The following HMCN1 variants were observed in gnomAD, a reference collection of about 807,000 sequenced individuals.
The protein encoded by HMCN1 is hemicentin 1, also known as hemicentin-1.
A neutral mutation model predicts 625.9 loss-of-function variants in HMCN1; 321 were observed. The observed-to-expected ratio is 0.51, with a 90% CI of 0.47 to 0.56. The LOEUF (loss-of-function observed/expected upper bound fraction) is 0.56. HMCN1 is among the 20% of genes least tolerant of loss of function. The pLI, the probability that HMCN1 is intolerant of heterozygous loss-of-function variation, is 0.00. For missense variants in HMCN1, 6,588 were observed against 6,887.3 expected, an observed-to-expected ratio of 0.96 and a Z score of 1.54; for synonymous variants, 2,425 against 2,417.6, an observed-to-expected ratio of 1.00 and a Z score of -0.09.
At chr1:185,857,768 C>T (rs572750031) in intron 2 of HMCN1, among the ~76,000 whole-genome samples, 1 of 152,232 alleles carries the variant, frequency 6.6e-6, no homozygotes, top group African/African-American at 2.4e-5. Context: ...CCCATGTACT[C>T]ACTAGTCATT....
intron 5 of HMCN1, 25 bp downstream of exon 5, chr1:185,909,533 A>G (rs2102451141): frequency 6.3e-7 from 1 of 1,592,948 alleles, no homozygotes; most frequent in South Asian, 1.1e-5. Context: ...ACATCACATA[A>G]TAAAATACAA....
At chr1:185,949,729 T>C (rs1354925987) in intron 11 of HMCN1, among the ~76,000 whole-genome samples, 1 of 151,932 alleles carries the variant, frequency 6.6e-6, no homozygotes, top group Non-Finnish European at 1.5e-5. Flanking sequence ...GAAAGGCCTC[T>C]ACCTATCCAG....
intron 4 of HMCN1, among the ~76,000 whole-genome samples, chr1:185,892,019 C>A (rs969053966): frequency 2.6e-5 from 4 of 151,418 alleles, no homozygotes; most frequent in Non-Finnish European, 5.9e-5. Flanking sequence ...TCTTTTTATT[C>A]TTTTTTCTCT....
chr1:185,803,188 CAAA>C (rs1245942461), intron 1 of HMCN1, among the ~76,000 whole-genome samples: 15 of 33,838 alleles, frequency 4.4e-4, no homozygotes, highest in African/African-American at 7.0e-4. Context: ...TTAGCAGAAC[CAAA>C]AAAAAAAAAA....
chr1:185,895,479 A>G (rs552206979), intron 4 of HMCN1, among the ~76,000 whole-genome samples: 2 of 152,232 alleles, frequency 1.3e-5, no homozygotes, highest in South Asian at 4.1e-4. Context: ...TAATTGTTCT[A>G]AAATTAAAGG....
chr1:185,940,274 GATA>G (rs1668015703), intron 11 of HMCN1, among the ~76,000 whole-genome samples: 2 of 152,044 alleles, frequency 1.3e-5, no homozygotes, highest in Non-Finnish European at 2.9e-5. Context: ...AAAATAAGAT[GATA>G]CTCAGCATGC....
chr1:185,776,570 T>TA lies in HMCN1; in HGVS notation c.268+41532dup, dbSNP rs933113401. 7.3e-5 allele frequency among the ~76,000 whole-genome samples: 11 copies of TA among 151,508 alleles called. No individual in the cohort carries two copies. In the East Asian group the frequency reaches 7.7e-4, roughly 11 times the overall value. On this transcript the variant is annotated intron_variant, in intron 1 of 106. Coordinates refer to ENST00000271588, the MANE Select transcript of HMCN1 (RefSeq NM_031935.3). ...TTACATTCTTGTGACTTTCTTGTAA[T>TA]AAAAAAAAATTCCTAAGGATGAAGC...
At chr1:185,746,694 T>A (rs769371210) in intron 1 of HMCN1, among the ~76,000 whole-genome samples, 12 of 149,162 alleles carry the variant, frequency 8.0e-5, no homozygotes, top group Admixed American at 1.3e-4. Flanking sequence ...AACTTCTGCC[T>A]CCCAGGTTCT....
intron 103 of HMCN1, among the ~76,000 whole-genome samples, chr1:186,175,907 A>G (rs1030970713): frequency 2.0e-5 from 3 of 151,298 alleles, no homozygotes; most frequent in African/African-American, 7.3e-5. Context: ...AAAAGAAAAG[A>G]AAAGAAAGAA....
At chr1:185,828,609 T>C (rs1660665459) in intron 1 of HMCN1, among the ~76,000 whole-genome samples, 1 of 152,118 alleles carries the variant, frequency 6.6e-6, no homozygotes, top group Non-Finnish European at 1.5e-5. Context: ...GAAAACACAA[T>C]ACTTCTTTTC....
intron 46 of HMCN1, among the ~76,000 whole-genome samples, chr1:186,060,059 G>A (rs928882976): frequency 6.6e-6 from 1 of 151,854 alleles, no homozygotes; most frequent in African/African-American, 2.4e-5. Context: ...TACTTTTTAA[G>A]TAAACAAAAT....
chr1:186,120,848 T>C (rs942821610), intron 80 of HMCN1, among the ~76,000 whole-genome samples: 3 of 152,234 alleles, frequency 2.0e-5, no homozygotes, highest in Admixed American at 6.5e-5. Flanking sequence ...CCTTCTCTTA[T>C]GGTGTTTATA....
chr1:186,163,831 T>G (rs997345060), intron 97 of HMCN1, among the ~76,000 whole-genome samples: 1 of 152,184 alleles, frequency 6.6e-6, no homozygotes, highest in Non-Finnish European at 1.5e-5. Flanking sequence ...TCACTGAATT[T>G]TAATAGTCTT....
intron 57 of HMCN1, among the ~76,000 whole-genome samples, chr1:186,085,789 C>T (rs1659442982): frequency 6.6e-6 from 1 of 151,988 alleles, no homozygotes. Flanking sequence ...TTCCAAAGGC[C>T]GAAGTCTAAC....
chr1:185,910,306 T>C (rs1666340367), intron 5 of HMCN1, among the ~76,000 whole-genome samples: 1 of 152,062 alleles, frequency 6.6e-6, no homozygotes, highest in Non-Finnish European at 1.5e-5. Context: ...CACAAACACA[T>C]TGAAATTTAC....
At chr1:186,010,809 C>T (rs987381339) in intron 30 of HMCN1, among the ~76,000 whole-genome samples, 1 of 151,830 alleles carries the variant, frequency 6.6e-6, no homozygotes, top group Non-Finnish European at 1.5e-5. Flanking sequence ...GCTTTGCAGA[C>T]CATTAGGCAA....
At position 186,076,620 on chromosome 1, in the gene HMCN1, C is replaced by A. The variant is rs778961224; in HGVS notation, c.8483C>A (p.Pro2828Gln). The change falls in exon 54 of 107, where the codon CCA (proline) becomes CAA (glutamine). Residue 2828 changes from proline (P) to glutamine (Q), a missense_variant and splice_region_variant. Transcript: ENST00000271588. ...TCAAGTGATAAAGTATTGATTTTGC[C>A]AGGTAAAGATTGATACCAACAGGGT... Reference protein sequence around the residue: ...LTSSDKVLILPGGRVLQIPRA... With the variant: ...LTSSDKVLILQGGRVLQIPRA... The A allele has an allele frequency of 1.2e-6, 2 of 1,612,552 alleles. No individual in the cohort carries two copies. Among genetic ancestry groups the A allele is most frequent in the South Asian group, 2.2e-5 (2 of 91,066 alleles).
At chr1:186,102,334 T>C (rs2102441303) in intron 68 of HMCN1, among the ~76,000 whole-genome samples, 1 of 152,250 alleles carries the variant, frequency 6.6e-6, no homozygotes, top group Non-Finnish European at 1.5e-5. Flanking sequence ...TAGTATATTA[T>C]CTTTCTCCAG....
intron 4 of HMCN1, among the ~76,000 whole-genome samples, chr1:185,875,715 T>A (rs1466832548): frequency 6.6e-6 from 1 of 152,048 alleles, no homozygotes; most frequent in Non-Finnish European, 1.5e-5. Flanking sequence ...TTACTTTACT[T>A]CTCTTATCCC....
Sources: allele counts gnomAD v4.1 joint callset (sites outside exome capture counted in the v4.1 genomes callset), GRCh38; gene constraint gnomAD v4.1.1; transcripts MANE v1.5; gene names NCBI Gene and HGNC (gene_info 2026-07-23, HGNC 2026-07-21).